CCDC148: variants seen among roughly 807,000 people sequenced by gnomAD.
CCDC148 encodes coiled-coil domain-containing protein 148.
A neutral mutation model predicts 85.7 loss-of-function variants in CCDC148; 89 were observed. The observed-to-expected ratio is 1.04, with a 90% CI of 0.87 to 1.24. The LOEUF (loss-of-function observed/expected upper bound fraction) is 1.24. Among genes scored for constraint, CCDC148 ranks in the 50% most tolerant of loss-of-function variants. The probability of loss-of-function intolerance (pLI) is 0.00; values close to 1 mark genes in which losing one functional copy is unlikely to be tolerated. For missense variants in CCDC148, 692 were observed against 671.7 expected (o/e 1.03, Z -0.33); for synonymous variants, 230 against 213.9 (o/e 1.08, Z -0.66).
intron 10 of CCDC148, among the ~76,000 whole-genome samples, chr2:158,222,452 C>T (rs1160350835): frequency 1.3e-5 from 2 of 151,758 alleles, no homozygotes; most frequent in African/African-American, 4.9e-5. Context: ...TATAAGTGTG[C>T]TCTCTCCCTC....
chr2:158,386,674 G>T (rs955005209), intron 1 of CCDC148, among the ~76,000 whole-genome samples: 3 of 151,900 alleles, frequency 2.0e-5, no homozygotes, highest in Non-Finnish European at 2.9e-5. Context: ...AGCTAGTTTT[G>T]TCTACCTCAT....
At chr2:158,231,588 C>T (rs1000161315) in intron 10 of CCDC148, among the ~76,000 whole-genome samples, 3 of 152,150 alleles carry the variant, frequency 2.0e-5, no homozygotes, top group African/African-American at 7.2e-5. Context: ...CTCAGCCTTT[C>T]TCCCTCTCCC....
Position 158,346,001 on chromosome 2 carries a change from A to T in CCDC148, c.148-683T>A, listed in dbSNP as rs188820241. On this transcript the variant is annotated intron_variant, in intron 2 of 13. Transcript: ENST00000283233. ...TTGAAGATACTTAAAGAAATATGAA[A>T]AATCATGTAGCATTGAAATCTAAAT... Among the ~76,000 whole-genome samples the T allele has an allele frequency of 7.2e-5, 11 of 152,356 alleles. No homozygotes were observed. In the East Asian group the frequency reaches 2.1e-3, roughly 29 times the overall value.
rs576408103 is a variant in CCDC148, at chr2:158,227,331, T to C, written c.1252-6618A>G. On this transcript the variant is annotated intron_variant, in intron 10 of 13. Transcript: ENST00000283233. Reference sequence around the variant, plus strand: ...AGGATACAAACAAATGGAAGAACATTCCATGCTCATGGGTAGGAAGAATCA... The same window carrying C: ...AGGATACAAACAAATGGAAGAACATCCCATGCTCATGGGTAGGAAGAATCA... Among the ~76,000 whole-genome samples the C allele has an allele frequency of 1.3e-4, 20 of 151,262 alleles. No homozygotes were observed. In the South Asian group the frequency reaches 4.2e-3, roughly 31 times the overall value.
chr2:158,295,942 T>C (rs955568995), intron 9 of CCDC148, among the ~76,000 whole-genome samples: 16 of 152,190 alleles, frequency 1.1e-4, no homozygotes, highest in African/African-American at 3.6e-4. Context: ...ATTGTCCCTG[T>C]TTTCTTATTA....
At chr2:158,282,289 A>T (rs908368284) in intron 9 of CCDC148, among the ~76,000 whole-genome samples, 2 of 152,220 alleles carry the variant, frequency 1.3e-5, no homozygotes, top group African/African-American at 4.8e-5. Context: ...GCAATCAGGC[A>T]GAAGAAGGAA....
intron 9 of CCDC148, among the ~76,000 whole-genome samples, chr2:158,297,892 C>T (rs1344161422): frequency 6.6e-6 from 1 of 152,208 alleles, no homozygotes; most frequent in Non-Finnish European, 1.5e-5. Context: ...TCATATAACT[C>T]CCTTTCTCTT....
chr2:158,208,275 T>C (rs1227319323), intron 11 of CCDC148, among the ~76,000 whole-genome samples: 1 of 152,172 alleles, frequency 6.6e-6, no homozygotes, highest in East Asian at 1.9e-4. Context: ...TTTTGCTGTT[T>C]TAGGTATAGA....
At chr2:158,306,422 C>A (rs1691688444) in intron 9 of CCDC148, among the ~76,000 whole-genome samples, 1 of 151,878 alleles carries the variant, frequency 6.6e-6, no homozygotes, top group Non-Finnish European at 1.5e-5. Context: ...AGACTTGGAA[C>A]CAACCCAAAT....
chr2:158,264,371 C>T (rs185403770), intron 9 of CCDC148, among the ~76,000 whole-genome samples: 12 of 152,026 alleles, frequency 7.9e-5, no homozygotes, highest in African/African-American at 2.7e-4. Context: ...ATGTGATTCT[C>T]AAACAAAAAT....
intron 1 of CCDC148, among the ~76,000 whole-genome samples, chr2:158,424,171 G>T (rs1260879335): frequency 2.0e-5 from 3 of 152,120 alleles, no homozygotes; most frequent in African/African-American, 4.8e-5. Flanking sequence ...ATTCCTCAAG[G>T]ATCTAGAACT....
chr2:158,271,680 T>A (rs531544178), intron 9 of CCDC148, among the ~76,000 whole-genome samples: 1 of 152,358 alleles, frequency 6.6e-6, no homozygotes, highest in South Asian at 2.1e-4. Flanking sequence ...GTGCCTGATT[T>A]ATAAATTAAA....
At chr2:158,175,144 G>A (rs1002686357) in intron 13 of CCDC148, among the ~76,000 whole-genome samples, 13 of 151,980 alleles carry the variant, frequency 8.6e-5, no homozygotes, top group South Asian at 8.3e-4. Context: ...ACCCTCTTCC[G>A]CTTGGTCAAA....
chr2:158,378,906 T>C (rs1312194771), intron 1 of CCDC148, among the ~76,000 whole-genome samples: 2 of 152,158 alleles, frequency 1.3e-5, no homozygotes, highest in Admixed American at 6.6e-5. Flanking sequence ...CTGAAGGAGA[T>C]GTACAGGAGA....
At position 158,257,255 on chromosome 2, in the gene CCDC148, A is replaced by G. The variant is rs981090201; in HGVS notation, c.1111-6343T>C. ...TATCAGGATTTTCAGCAACTAATTT[A>G]TATTTCCATCAAGATTAGAGGACAT... is the stretch of plus-strand genomic sequence containing the variant. On this transcript the variant is annotated intron_variant, in intron 9 of 13. Coordinates refer to ENST00000283233, the MANE Select transcript of CCDC148 (RefSeq NM_138803.4). Among the ~76,000 whole-genome samples, 3 of 151,780 alleles carry G rather than the reference A, an allele frequency of 2.0e-5. No homozygotes were observed. The Admixed American group carries it at 2.0e-4, about 10-fold the overall frequency.
At chr2:158,223,723 C>T (rs909456101) in intron 10 of CCDC148, among the ~76,000 whole-genome samples, 8 of 152,160 alleles carry the variant, frequency 5.3e-5, no homozygotes, top group Non-Finnish European at 1.0e-4. Flanking sequence ...CTGGAGTGGA[C>T]CTCCAGCAAA....
At chr2:158,451,968 T>A (rs1688422394) in intron 1 of CCDC148, among the ~76,000 whole-genome samples, 2 of 151,916 alleles carry the variant, frequency 1.3e-5, no homozygotes, top group African/African-American at 4.8e-5. Context: ...GAAACAAAAA[T>A]CTCACAAAAC....
chr2:158,364,682 A>C (rs1019533523), intron 1 of CCDC148, among the ~76,000 whole-genome samples: 3 of 152,238 alleles, frequency 2.0e-5, no homozygotes, highest in African/African-American at 7.2e-5. Flanking sequence ...TAAAGACTTA[A>C]ATATAAGACC....
At chr2:158,446,110 G>A (rs889989437) in intron 1 of CCDC148, among the ~76,000 whole-genome samples, 1 of 152,166 alleles carries the variant, frequency 6.6e-6, no homozygotes, top group African/African-American at 2.4e-5. Context: ...CACTTTGGGA[G>A]GCCAAAATGG....
Sources: allele counts gnomAD v4.1 joint callset (sites outside exome capture counted in the v4.1 genomes callset), GRCh38; gene constraint gnomAD v4.1.1; transcripts MANE v1.5; gene names NCBI Gene and HGNC (gene_info 2026-07-23, HGNC 2026-07-21).